Variants in RAB12 observed in about 807,000 individuals in gnomAD.
The protein encoded by RAB12 is RAB12, member RAS oncogene family, also known as ras-related protein Rab-12.
In RAB12, 11 loss-of-function variants were observed where a neutral mutation model predicts 28.4. The ratio of observed to expected loss-of-function variants is 0.39; its 90% confidence interval spans 0.24 to 0.64. The LOEUF (loss-of-function observed/expected upper bound fraction) is 0.64. Ranked by LOEUF, RAB12 falls within the 30% of genes least tolerant of loss-of-function variation. The pLI is 0.50. For missense variants in RAB12, 276 were observed against 351.1 expected, an observed-to-expected ratio of 0.79 and a Z score of 1.71; for synonymous variants, 138 against 145.3, an observed-to-expected ratio of 0.95 and a Z score of 0.36.
chr18:8,630,709 A>T (rs1009288108), intron 2 of RAB12, among the ~76,000 whole-genome samples: 6 of 152,208 alleles, frequency 3.9e-5, no homozygotes, highest in African/African-American at 7.2e-5. Context: ...CTTCATGTGG[A>T]TGTGGCCAGT....
rs540783298 is a variant in RAB12 at position 8,633,699 on chromosome 18, CCTT to C, written c.714+375_714+377del. On this transcript the variant is annotated intron_variant, in intron 3 of 5. Transcript: ENST00000649141. ...CTGAGTGACAACCTTGAGGAGATGGCCTTCTCCACGGTGCCTGCGGATGTCCCA... is the reference window on the plus strand; with the variant it reads ...CTGAGTGACAACCTTGAGGAGATGGCCTCCACGGTGCCTGCGGATGTCCCA... Among the ~76,000 whole-genome samples the C allele has an allele frequency of 1.2e-3, 178 of 152,296 alleles. 2 individuals carry two copies. Among genetic ancestry groups the C allele is most frequent in the African/African-American group, 3.7e-3 (153 of 41,566 alleles).
chr18:8,610,158 T>C, intron 1 of RAB12: 1 of 478,432 alleles, frequency 2.1e-6, no homozygotes, highest in Non-Finnish European at 3.7e-6. Flanking sequence ...CGGGCAGACC[T>C]GCCCTTGGCC....
At chr18:8,619,509 GC>G (rs1339087887) in intron 1 of RAB12, among the ~76,000 whole-genome samples, 2 of 152,204 alleles carry the variant, frequency 1.3e-5, no homozygotes, top group Admixed American at 6.5e-5. Flanking sequence ...AAGGCAGAGC[GC>G]AGAGTCAGGC....
chr18:8,619,086 T>G (rs957139206), intron 1 of RAB12, among the ~76,000 whole-genome samples: 1 of 152,226 alleles, frequency 6.6e-6, no homozygotes, highest in African/African-American at 2.4e-5. Flanking sequence ...CTTAAGGTCA[T>G]TATTATAAAT....
At chr18:8,613,720 G>GA (rs771767411) in intron 1 of RAB12, among the ~76,000 whole-genome samples, 153 of 152,170 alleles carry the variant, frequency 1.0e-3, no homozygotes, top group Non-Finnish European at 2.0e-3. Context: ...TTGCATGCTG[G>GA]AAAAAACACT....
At chr18:8,621,227 G>A (rs1235846181) in intron 1 of RAB12, among the ~76,000 whole-genome samples, 1 of 152,140 alleles carries the variant, frequency 6.6e-6, no homozygotes, top group South Asian at 2.1e-4. Context: ...GGTTATTCAT[G>A]ACTTTTTTCC....
At chr18:8,619,574 G>A (rs1027348795) in intron 1 of RAB12, among the ~76,000 whole-genome samples, 5 of 152,138 alleles carry the variant, frequency 3.3e-5, no homozygotes, top group South Asian at 2.1e-4. Context: ...AACATCTCAC[G>A]CTTTTCTCTC....
intron 1 of RAB12, among the ~76,000 whole-genome samples, chr18:8,611,904 T>C (rs1020726138): frequency 2.6e-5 from 4 of 152,228 alleles, no homozygotes; most frequent in African/African-American, 9.6e-5. Flanking sequence ...TGGAGTACTT[T>C]AGTACTCAGT....
At position 8,638,364 on chromosome 18, in the gene RAB12, A is replaced by G; in HGVS notation, c.*102A>G. ...TGACAATTTCCTTTCGCACTTTGTA[A>G]TCCAAGTCAGAGCTATACACTAACT... On this transcript the variant is annotated 3_prime_UTR_variant, in exon 6 of 6. Coordinates refer to ENST00000649141, the MANE Select transcript of RAB12 (RefSeq NM_001025300.3). 2 of 808,956 alleles carry G rather than the reference A, an allele frequency of 2.5e-6. No individual in the cohort carries two copies. The highest frequency in any genetic ancestry group is 4.1e-6 in the Non-Finnish European group (2 of 488,270). The allele number at this position is 808,956 out of a possible 1,614,324, so 50.1% of individuals were successfully genotyped here.
chr18:8,615,568 C>T (rs1243085041), intron 1 of RAB12, among the ~76,000 whole-genome samples: 3 of 152,218 alleles, frequency 2.0e-5, no homozygotes, highest in Admixed American at 2.0e-4. Flanking sequence ...ACAGACTCCC[C>T]TGCCAAAATG....
chr18:8,623,595 ACT>A (rs1252445399), intron 1 of RAB12, among the ~76,000 whole-genome samples: 1 of 152,236 alleles, frequency 6.6e-6, no homozygotes, highest in Non-Finnish European at 1.5e-5. Context: ...GTGTTAAGCC[ACT>A]GTCTTCAAGT....
intron 5 of RAB12, among the ~76,000 whole-genome samples, chr18:8,636,737 C>T (rs1046442973): frequency 3.3e-5 from 5 of 152,180 alleles, no homozygotes; most frequent in Non-Finnish European, 5.9e-5. Context: ...AAGAGAGCCC[C>T]GTGGTGCTGC....
intron 1 of RAB12, among the ~76,000 whole-genome samples, chr18:8,621,028 C>G (rs894112004): frequency 1.3e-5 from 2 of 152,168 alleles, no homozygotes; most frequent in African/African-American, 4.8e-5. Flanking sequence ...GGGACTGTCC[C>G]CATCAACAGT....
At position 8,633,442 on chromosome 18, in the gene RAB12, C is replaced by T. The variant is rs1043114658; in HGVS notation, c.714+115C>T. The T allele has an allele frequency of 3.9e-5, 45 of 1,168,634 alleles. No individual in the cohort carries two copies. In the African/African-American group the frequency reaches 6.7e-4, roughly 17 times the overall value. The allele number at this position is 1,168,634 out of a possible 1,614,324, so 72.4% of individuals were successfully genotyped here. On this transcript the variant is annotated intron_variant, in intron 3 of 5. Coordinates refer to ENST00000649141, the MANE Select transcript of RAB12 (RefSeq NM_001025300.3). ...GCATGTTTTCATATAGACTAAACAT[C>T]ATTTAGCCCATATATAGCCTTCGGG...
intron 2 of RAB12, among the ~76,000 whole-genome samples, chr18:8,631,461 A>G (rs2096015941): frequency 6.6e-6 from 1 of 152,184 alleles, no homozygotes; most frequent in South Asian, 2.1e-4. Context: ...CCCGGGTGCC[A>G]TGAGACTCTG....
At chr18:8,626,092 C>T (rs540608984) in intron 2 of RAB12, among the ~76,000 whole-genome samples, 3 of 152,276 alleles carry the variant, frequency 2.0e-5, no homozygotes, top group Non-Finnish European at 2.9e-5. Context: ...TGCATTTGGT[C>T]TGCATATTTT....
In RAB12 at chr18:8,638,185, A is replaced by T. The variant is rs2096020047; in HGVS notation, c.946A>T (p.Ser316Cys). The change falls in exon 6 of 6, where the codon AGT (serine) becomes TGT (cysteine). Residue 316 changes from serine to cysteine, a missense_variant. Around this residue, in one of 4 missense-constraint regions of RAB12, gnomAD observed 127 missense variants for 161.4 expected, o/e 0.79. Coordinates refer to ENST00000649141, the MANE Select transcript of RAB12 (RefSeq NM_001025300.3). ...LDILRNELSN[S>C]ILSLQPEPEI... The stretch of plus-strand genomic sequence containing the variant: ...TATTTTAAGGAATGAGTTGTCCAAT[A>T]GTATCCTGTCGTTACAACCAGAGCC... 6.2e-7 allele frequency: 1 copy of T among 1,613,874 alleles called. No individual in the cohort carries two copies. Among genetic ancestry groups the T allele is most frequent in the Non-Finnish European group, 8.5e-7 (1 of 1,179,806 alleles).
chr18:8,638,415 G>C lies in RAB12; in HGVS notation c.*153G>C, dbSNP rs2096020216. The C allele has an allele frequency of 1.7e-5, 10 of 600,278 alleles. No individual in the cohort carries two copies. Among genetic ancestry groups the C allele is most frequent in the South Asian group, 4.0e-5 (2 of 49,678 alleles). The allele number at this position is 600,278 out of a possible 1,614,324, so 37.2% of individuals were successfully genotyped here. On this transcript the variant is annotated 3_prime_UTR_variant, in exon 6 of 6. Coordinates refer to ENST00000649141, the MANE Select transcript of RAB12 (RefSeq NM_001025300.3). ...TGTAAATATGCATATATGCAATCCTGGGTAAGTTTTGGTTATAAGTTACCT... is the reference window on the plus strand; with the variant it reads ...TGTAAATATGCATATATGCAATCCTCGGTAAGTTTTGGTTATAAGTTACCT...
In RAB12 at chr18:8,635,644, G is replaced by A. The variant is rs138360065; in HGVS notation, c.804+22G>A. On this transcript the variant is annotated intron_variant, in intron 4 of 5. Transcript: ENST00000649141. ...AAAGGTGAGAGGGCGTGGGAGGCAC[G>A]GTTGCCACACACTGTGCTTAGCGCT... 485 of 1,524,894 alleles carry A rather than the reference G, an allele frequency of 3.2e-4. 1 individual carries two copies. In the East Asian group the frequency reaches 0.01, roughly 32 times the overall value. 94.5% of individuals were successfully genotyped at this position (1,524,894 alleles called of 1,614,324 possible).
Sources: allele counts gnomAD v4.1 joint callset (sites outside exome capture counted in the v4.1 genomes callset), GRCh38; gene constraint gnomAD v4.1.1; regional missense constraint gnomAD v4.1.1; transcripts MANE v1.5; gene names NCBI Gene and HGNC (gene_info 2026-07-23, HGNC 2026-07-21).